The following EML6 variants were observed in gnomAD, a reference collection of about 807,000 sequenced individuals.
The protein encoded by EML6 is echinoderm microtubule-associated protein-like 6.
A neutral mutation model predicts 240.1 loss-of-function variants in EML6; 154 were observed. That is an observed-to-expected ratio of 0.64 (90% confidence interval 0.56 to 0.73). The LOEUF is 0.73. Ranked by LOEUF, EML6 falls within the 30% of genes least tolerant of loss-of-function variation. The pLI is 0.00. For missense variants in EML6, 2,964 were observed against 2,474.6 expected (o/e 1.20, Z -4.20); for synonymous variants, 1,148 against 899.0 (o/e 1.28, Z -4.95).
intron 12 of EML6, 110 bp from the exon 13 acceptor site, chr2:54,863,673 G>T (rs1670801686): frequency 3.0e-6 from 2 of 673,518 alleles, no homozygotes; most frequent in Non-Finnish European, 5.3e-6. Flanking sequence ...GAAAACTATG[G>T]TATAGTTTTT....
At chr2:54,829,265 A>T in intron 6 of EML6, 77 bp from the exon 7 acceptor site, 1 of 1,379,268 alleles carries the variant, frequency 7.3e-7, no homozygotes, top group Non-Finnish European at 9.8e-7. Flanking sequence ...CTATGTTTTT[A>T]AATCAACATT....
intron 25 of EML6, among the ~76,000 whole-genome samples, chr2:54,914,156 A>G (rs1673785716): frequency 6.6e-6 from 1 of 152,128 alleles, no homozygotes; most frequent in African/African-American, 2.4e-5. Context: ...CTCCATATGA[A>G]TTTCAGAATA....
rs1386208887 is a variant in EML6 at position 54,928,433 on chromosome 2, T to TGGA, written c.3797_3799dup (p.Trp1266_Thr1267insArg). On this transcript the variant is annotated inframe_insertion, in exon 27 of 42. Transcript: ENST00000356458. ...CGGCGCCGACACAGCCCTGATGATC[T>TGGA]GGACCAGGGAGTTTGTGGGGACCCA... 9.0e-6 allele frequency: 14 copies of TGGA among 1,551,024 alleles called. No individual in the cohort carries two copies. Among genetic ancestry groups the TGGA allele is most frequent in the African/African-American group, 1.4e-5 (1 of 73,080 alleles).
intron 28 of EML6, among the ~76,000 whole-genome samples, chr2:54,944,768 ATC>A (rs1308940452): frequency 6.6e-6 from 1 of 152,098 alleles, no homozygotes; most frequent in Non-Finnish European, 1.5e-5. Flanking sequence ...ATCACTAAGT[ATC>A]TCTGTACATG....
intron 28 of EML6, among the ~76,000 whole-genome samples, chr2:54,948,219 AC>A (rs1289565107): frequency 1.3e-5 from 2 of 152,174 alleles, no homozygotes; most frequent in Non-Finnish European, 2.9e-5. Context: ...GAGGCCCCAG[AC>A]CCCAAAACGG....
At chr2:54,737,259 G>A (rs1425279692) in intron 2 of EML6, among the ~76,000 whole-genome samples, 1 of 152,166 alleles carries the variant, frequency 6.6e-6, no homozygotes, top group Non-Finnish European at 1.5e-5. Context: ...CAGTAACGAT[G>A]ACAGCAGCAG....
intron 26 of EML6, among the ~76,000 whole-genome samples, chr2:54,921,895 C>T (rs987663080): frequency 6.6e-6 from 1 of 152,102 alleles, no homozygotes; most frequent in African/African-American, 2.4e-5. Context: ...TGAATTTGGA[C>T]TTTATCTCAC....
rs1442568410 is a variant in EML6 at position 54,725,079 on chromosome 2, G to T, written c.18G>T (p.Ala6=). 1.3e-6 allele frequency: 2 copies of T among 1,527,456 alleles called. No homozygotes were observed. The highest frequency in any genetic ancestry group is 8.8e-7 in the Non-Finnish European group (1 of 1,137,190). The allele number at this position is 1,527,456 out of a possible 1,614,324, so 94.6% of individuals were successfully genotyped here. Residue 6 remains alanine (A), a synonymous_variant, in exon 2 of 42, where the codon GCG becomes GCT. Coordinates refer to ENST00000356458, the MANE Select transcript of EML6 (RefSeq NM_001039753.4). The surrounding 1 kb of genome is among the most constrained non-coding windows in gnomAD (Gnocchi z 4.3). ...GGCTTATCATGGCGGATCGGACGGC[G>T]CCCCGCTGCCAGCTCCGGCTGGAGT... The part of the protein sequence containing the change: MADRT[A]PRCQLRLEWV...
At chr2:54,826,697 T>G (rs1187392189) in intron 5 of EML6, among the ~76,000 whole-genome samples, 1 of 152,222 alleles carries the variant, frequency 6.6e-6, no homozygotes, top group East Asian at 1.9e-4. Flanking sequence ...TGCTGAAGCT[T>G]TGTGTATGGT....
chr2:54,894,054 G>T (rs906371852), intron 19 of EML6, among the ~76,000 whole-genome samples: 1 of 151,766 alleles, frequency 6.6e-6, no homozygotes, highest in African/African-American at 2.4e-5. Context: ...TTTAATTTGG[G>T]GATTGAATTT....
chr2:54,770,027 G>A (rs752800504), intron 2 of EML6, among the ~76,000 whole-genome samples: 4 of 152,056 alleles, frequency 2.6e-5, no homozygotes, highest in African/African-American at 9.7e-5. Context: ...AGATAATTTT[G>A]CATTCTGTGG....
At position 54,833,407 on chromosome 2, in the gene EML6, A is replaced by T. The variant is rs531569294; in HGVS notation, c.847+3930A>T. ...AGTTTTAAAATGAACTAAGATGGAT[A>T]CTAAGCTCAGAAAAAAATGATATGG... On this transcript the variant is annotated intron_variant, in intron 7 of 41. Transcript: ENST00000356458. 2.0e-5 allele frequency among the ~76,000 whole-genome samples: 3 copies of T among 152,384 alleles called. No individual in the cohort carries two copies. In the South Asian group the frequency reaches 6.2e-4, roughly 32 times the overall value.
At chr2:54,946,990 C>G (rs183690566) in intron 28 of EML6, among the ~76,000 whole-genome samples, 1 of 151,302 alleles carries the variant, frequency 6.6e-6, no homozygotes, top group East Asian at 1.9e-4. Context: ...TATAAATACA[C>G]GGTGTTTGTG....
chr2:54,740,242 C>A (rs1464241549), intron 2 of EML6, among the ~76,000 whole-genome samples: 1 of 152,002 alleles, frequency 6.6e-6, no homozygotes, highest in Non-Finnish European at 1.5e-5. Flanking sequence ...AAGAAAAGAT[C>A]CCAGGGTCAG....
intron 28 of EML6, among the ~76,000 whole-genome samples, chr2:54,931,236 C>T (rs1318408056): frequency 1.3e-5 from 2 of 151,812 alleles, no homozygotes; most frequent in African/African-American, 2.4e-5. Flanking sequence ...GGATTACAGG[C>T]GTGAGCCACC....
At chr2:54,959,353 C>G (rs1676387366) in intron 34 of EML6, 92 bp downstream of exon 34, 1 of 1,227,930 alleles carries the variant, frequency 8.1e-7, no homozygotes, top group African/African-American at 1.5e-5. Context: ...AAAATGCAGA[C>G]TGTCATCCTC....
In EML6 at chr2:54,873,748, A is replaced by G. The variant is rs560912335; in HGVS notation, c.2344+2143A>G. On this transcript the variant is annotated intron_variant, in intron 16 of 41. Transcript: ENST00000356458. ...AAATGCCCGTTAAAGTAGCAAAAAT[A>G]AATAACAACAGCTAAATGTTTACAA... 1.1e-3 allele frequency among the ~76,000 whole-genome samples: 153 copies of G among 145,064 alleles called. 1 individual carries two copies. The highest frequency in any genetic ancestry group is 3.4e-3 in the Middle Eastern group (1 of 292).
chr2:54,951,452 T>C (rs1315238619), intron 30 of EML6, among the ~76,000 whole-genome samples: 1 of 151,932 alleles, frequency 6.6e-6, no homozygotes, highest in Non-Finnish European at 1.5e-5. Flanking sequence ...AGAACCCAGT[T>C]TGAGGTTGCT....
At chr2:54,877,305 C>T (rs1573050043) in intron 16 of EML6, among the ~76,000 whole-genome samples, 1 of 152,008 alleles carries the variant, frequency 6.6e-6, no homozygotes, top group Non-Finnish European at 1.5e-5. Context: ...AGCTATATAA[C>T]GTAGTACATT....
Sources: allele counts gnomAD v4.1 joint callset (sites outside exome capture counted in the v4.1 genomes callset), GRCh38; gene constraint gnomAD v4.1.1; non-coding constraint Gnocchi (gnomAD v3.1); transcripts MANE v1.5; gene names NCBI Gene and HGNC (gene_info 2026-07-23, HGNC 2026-07-21).